SLC7A14: variants seen among roughly 807,000 people sequenced by gnomAD.
SLC7A14 encodes gamma-aminobutyric acid transporter SLC7A14.
In SLC7A14, 37 loss-of-function variants were observed where a neutral mutation model predicts 60.2. The ratio of observed to expected loss-of-function variants is 0.61; its 90% CI spans 0.47 to 0.81. The LOEUF is 0.81. SLC7A14 is among the 30% of genes least tolerant of loss of function. SLC7A14 has a pLI of 0.00. For synonymous variants in SLC7A14, 399 were observed against 395.8 expected, an observed-to-expected ratio of 1.01 and a Z score of -0.10; for missense variants, 886 against 982.7, an observed-to-expected ratio of 0.90 and a Z score of 1.32.
In SLC7A14 at chr3:170,527,083, G is replaced by A. The variant is rs1713532094; in HGVS notation, c.-147C>T. 2 of 799,452 alleles carry A rather than the reference G, an allele frequency of 2.5e-6. No individual in the cohort carries two copies. The highest frequency in any genetic ancestry group is 1.7e-5 in the African/African-American group (1 of 57,442). 49.5% of individuals were successfully genotyped at this position (799,452 alleles called of 1,614,324 possible). On this transcript the variant is annotated 5_prime_UTR_variant, in exon 2 of 8. Coordinates refer to ENST00000231706, the MANE Select transcript of SLC7A14 (RefSeq NM_020949.3). ...CCCAGTGCAGCCTTCTCCTGGGCAT[G>A]AATGTCTGCAGGAAAAACACAAGAA... is the stretch of plus-strand genomic sequence containing the variant.
chr3:170,561,640 C>G (rs376650159), intron 1 of SLC7A14, among the ~76,000 whole-genome samples: 1 of 152,158 alleles, frequency 6.6e-6, no homozygotes, highest in Non-Finnish European at 1.5e-5. Flanking sequence ...AAAAGGCTAT[C>G]CATGGGCTAT....
chr3:170,551,758 A>T (rs60426280), intron 1 of SLC7A14, among the ~76,000 whole-genome samples: 3,226 of 152,280 alleles, frequency 0.021, 119 homozygotes, highest in African/African-American at 0.072. Flanking sequence ...TTGTTGAGTC[A>T]TAAGATTCTT....
intron 1 of SLC7A14, among the ~76,000 whole-genome samples, chr3:170,550,621 A>T (rs1334195413): frequency 6.9e-6 from 1 of 145,464 alleles, no homozygotes; most frequent in Non-Finnish European, 1.5e-5. Flanking sequence ...TCCCAGGTTC[A>T]AGCAATTCTC....
At position 170,523,651 on chromosome 3, in the gene SLC7A14, G is replaced by T. The variant is rs59042465; in HGVS notation, c.304+2982C>A. On this transcript the variant is annotated intron_variant, in intron 2 of 7. Coordinates refer to ENST00000231706, the MANE Select transcript of SLC7A14 (RefSeq NM_020949.3). ...AATTATTGCTGGAGATAAATGTGCAGTTGTGGAGACTGGACTCACCCTCAG... is the reference window on the plus strand; with the variant it reads ...AATTATTGCTGGAGATAAATGTGCATTTGTGGAGACTGGACTCACCCTCAG... 1.1e-4 allele frequency among the ~76,000 whole-genome samples: 16 copies of T among 152,314 alleles called. No individual in the cohort carries two copies. The East Asian group carries it at 3.1e-3, about 29-fold the overall frequency.
intron 1 of SLC7A14, among the ~76,000 whole-genome samples, chr3:170,574,118 G>T (rs187948815): frequency 1.3e-3 from 200 of 152,340 alleles, no homozygotes; most frequent in African/African-American, 4.4e-3. Flanking sequence ...TACCTGAGAA[G>T]CTAGTTCTGG....
In SLC7A14 at chr3:170,526,802, A is replaced by G. The variant is rs775148731; in HGVS notation, c.135T>C (p.His45=). 5.0e-6 allele frequency: 8 copies of G among 1,614,090 alleles called. No homozygotes were observed. The highest frequency in any genetic ancestry group is 1.1e-5 in the South Asian group (1 of 91,084). The change falls in exon 2 of 8, where the codon CAT becomes CAC. Residue 45 remains histidine, a synonymous_variant. Coordinates refer to ENST00000231706, the MANE Select transcript of SLC7A14 (RefSeq NM_020949.3). ...MLEGTGTTTA[H]GTKLAQVLTT... is the part of the protein sequence containing the mutation. The stretch of plus-strand genomic sequence containing the variant: ...TGAGTACCTGGGCTAGCTTAGTTCC[A>G]TGTGCCGTGGTGGTCCCAGTTCCCT...
At chr3:170,575,287 G>T (rs184537884) in intron 1 of SLC7A14, among the ~76,000 whole-genome samples, 1 of 152,198 alleles carries the variant, frequency 6.6e-6, no homozygotes, top group Non-Finnish European at 1.5e-5. Context: ...AGCATGAACA[G>T]CATATTATTT....
Position 170,484,504 on chromosome 3 carries a change from C to A in SLC7A14, c.907-982G>T, listed in dbSNP as rs572302526. ...AATTGGCCATAGGCAATGGAGCCAC[C>A]AGTCATATGGCCAGATATGGGGGGC... On this transcript the variant is annotated intron_variant, in intron 5 of 7. Transcript: ENST00000231706. 5.9e-5 allele frequency among the ~76,000 whole-genome samples: 9 copies of A among 152,334 alleles called. No homozygotes were observed. The East Asian group carries it at 1.4e-3, about 23-fold the overall frequency.
rs539792545 is a variant in SLC7A14, at chr3:170,585,290, G to A, written c.-153+621C>T. ...CACGTCCTCTTCGCCGCTCCCGGGA[G>A]AGTCACCACTCTCCGGGGACAGACG... On this transcript the variant is annotated intron_variant, in intron 1 of 7. Transcript: ENST00000231706. This position sits in a 1 kb window ranked among gnomAD's most constrained non-coding sequence, Gnocchi z 5.1. Among the ~76,000 whole-genome samples the A allele has an allele frequency of 6.6e-6, 1 of 152,122 alleles. No individual in the cohort carries two copies. Among genetic ancestry groups the A allele is most frequent in the African/African-American group, 2.4e-5 (1 of 41,452 alleles).
At chr3:170,520,579 T>C (rs911432086) in intron 2 of SLC7A14, among the ~76,000 whole-genome samples, 2 of 152,202 alleles carry the variant, frequency 1.3e-5, no homozygotes, top group African/African-American at 4.8e-5. Context: ...TTGCCAAACA[T>C]TTCTTATGAG....
intron 2 of SLC7A14, among the ~76,000 whole-genome samples, chr3:170,524,269 G>T (rs1352669695): frequency 2.0e-5 from 3 of 152,214 alleles, no homozygotes; most frequent in East Asian, 3.8e-4. Flanking sequence ...TGTAAAGCTG[G>T]AAAGAGGTAT....
chr3:170,495,036 C>T (rs1329057920), intron 4 of SLC7A14, among the ~76,000 whole-genome samples: 1 of 152,154 alleles, frequency 6.6e-6, no homozygotes, highest in Non-Finnish European at 1.5e-5. Context: ...AACAGCACCA[C>T]TCAAAAGTTT....
chr3:170,519,643 G>C (rs1191679426), intron 2 of SLC7A14, among the ~76,000 whole-genome samples: 7 of 152,200 alleles, frequency 4.6e-5, no homozygotes, highest in African/African-American at 1.4e-4. Context: ...AGGCATAGTG[G>C]TGGGTGCCTG....
At chr3:170,478,749 C>T (rs946086095) in intron 7 of SLC7A14, among the ~76,000 whole-genome samples, 1 of 152,100 alleles carries the variant, frequency 6.6e-6, no homozygotes, top group Non-Finnish European at 1.5e-5. Flanking sequence ...ACTGCGGGCA[C>T]CCTGCTCCAG....
chr3:170,477,044 G>A (rs1260913222), intron 7 of SLC7A14, among the ~76,000 whole-genome samples: 1 of 152,234 alleles, frequency 6.6e-6, no homozygotes, highest in East Asian at 1.9e-4. Context: ...ATTAAACCAA[G>A]CATGGGACCC....
At chr3:170,534,182 A>G (rs567502024) in intron 1 of SLC7A14, among the ~76,000 whole-genome samples, 22 of 152,370 alleles carry the variant, frequency 1.4e-4, no homozygotes, top group African/African-American at 5.3e-4. Context: ...TACTCCAGAC[A>G]GTGGATCGGC....
intron 2 of SLC7A14, among the ~76,000 whole-genome samples, chr3:170,509,527 T>C (rs1712898244): frequency 6.6e-6 from 1 of 152,208 alleles, no homozygotes; most frequent in Non-Finnish European, 1.5e-5. Context: ...TGTAACCAAC[T>C]GGCCGGGCAC....
At chr3:170,556,495 G>A (rs966969695) in intron 1 of SLC7A14, among the ~76,000 whole-genome samples, 2 of 152,214 alleles carry the variant, frequency 1.3e-5, no homozygotes, top group African/African-American at 4.8e-5. Flanking sequence ...GACTAAATGG[G>A]ATGATATGTG....
At chr3:170,490,478 C>G (rs535623937) in intron 4 of SLC7A14, among the ~76,000 whole-genome samples, 19 of 152,288 alleles carry the variant, frequency 1.2e-4, no homozygotes, top group African/African-American at 4.1e-4. Context: ...TTGGGCAAAG[C>G]AATCTTAGAA....
Sources: allele counts gnomAD v4.1 joint callset (sites outside exome capture counted in the v4.1 genomes callset), GRCh38; gene constraint gnomAD v4.1.1; non-coding constraint Gnocchi (gnomAD v3.1); transcripts MANE v1.5; gene names NCBI Gene and HGNC (gene_info 2026-07-23, HGNC 2026-07-21).